Variants in NELL2 observed in about 807,000 individuals in gnomAD.
NELL2 encodes neural EGFL like 2.
NELL2 carries 41 observed loss-of-function variants against 109.6 expected under a neutral mutation model. The observed-to-expected ratio is 0.37, with a 90% CI of 0.29 to 0.49. The LOEUF is 0.49. Ranked by LOEUF, NELL2 falls within the 20% of genes least tolerant of loss-of-function variation. NELL2 has a pLI of 0.98. For missense variants in NELL2, 900 were observed against 1,008.3 expected, an observed-to-expected ratio of 0.89 and a Z score of 1.45; for synonymous variants, 355 against 344.7, an observed-to-expected ratio of 1.03 and a Z score of -0.33.
upstream of NELL2, among the ~76,000 whole-genome samples, chr12:44,877,704 A>G (rs764067116): frequency 1.3e-5 from 2 of 152,064 alleles, no homozygotes; most frequent in Non-Finnish European, 2.9e-5. Flanking sequence ...ATCTGCCCTT[A>G]GAATTTTTAA....
At chr12:44,910,199 G>A (rs1014874397) in intron 1 of NELL2, among the ~76,000 whole-genome samples, 10 of 151,792 alleles carry the variant, frequency 6.6e-5, no homozygotes, top group Non-Finnish European at 1.0e-4. Flanking sequence ...CTATAGAACG[G>A]GAGAAAATAT....
At chr12:44,554,502 C>A (rs971130562) in intron 15 of NELL2, among the ~76,000 whole-genome samples, 1 of 151,918 alleles carries the variant, frequency 6.6e-6, no homozygotes, top group African/African-American at 2.4e-5. Context: ...AAAATTTTGG[C>A]GATAATGGAT....
intron 13 of NELL2, among the ~76,000 whole-genome samples, chr12:44,636,839 A>C (rs2136293979): frequency 6.6e-6 from 1 of 151,478 alleles, no homozygotes; most frequent in South Asian, 2.1e-4. Flanking sequence ...TATTGTTTGG[A>C]ATAGTTTCAG....
chr12:44,702,482 A>G (rs1448931041), intron 12 of NELL2, among the ~76,000 whole-genome samples: 4 of 152,194 alleles, frequency 2.6e-5, no homozygotes, highest in Non-Finnish European at 4.4e-5. Context: ...ACAAAGTATC[A>G]CATGAATTTG....
chr12:44,566,566 C>CACACACACACACACAGAGAG (rs377368706), intron 15 of NELL2, among the ~76,000 whole-genome samples: 51 of 138,418 alleles, frequency 3.7e-4, no homozygotes, highest in African/African-American at 1.3e-3. Context: ...CACACACACA[C>CACACACACACACACAGAGAG]AGAGTTTTAT....
At chr12:44,599,960 GT>G (rs35401385) in intron 15 of NELL2, among the ~76,000 whole-genome samples, 11,470 of 111,032 alleles carry the variant, frequency 0.1, 291 homozygotes, top group East Asian at 0.2. Flanking sequence ...CTAGAATTCC[GT>G]TTTTTTTTTT....
intron 2 of NELL2, among the ~76,000 whole-genome samples, chr12:44,837,914 T>C (rs1944104771): frequency 6.6e-6 from 1 of 152,190 alleles, no homozygotes; most frequent in Admixed American, 6.5e-5. Context: ...GCCAGTTTTA[T>C]TATAATACCC....
chr12:44,682,356 CA>C (rs1435732373), intron 12 of NELL2, among the ~76,000 whole-genome samples: 1 of 151,328 alleles, frequency 6.6e-6, no homozygotes, highest in African/African-American at 2.5e-5. Flanking sequence ...AATTTTCTCC[CA>C]TTTTGTGGGT....
chr12:44,702,164 C>T (rs1212850204), intron 12 of NELL2, among the ~76,000 whole-genome samples: 5 of 152,054 alleles, frequency 3.3e-5, no homozygotes. Context: ...TGAATAAATC[C>T]CCAGCCAATC....
chr12:44,838,135 C>A (rs1484098187), intron 2 of NELL2, among the ~76,000 whole-genome samples: 1 of 152,022 alleles, frequency 6.6e-6, no homozygotes, highest in Non-Finnish European at 1.5e-5. Context: ...AAACTGAAGT[C>A]TAGGGGGTTT....
Position 44,703,811 on chromosome 12 carries a change from G to A in NELL2, c.1233C>T (p.Ser411=), listed in dbSNP as rs2136421023. The A allele has an allele frequency of 3.1e-6, 5 of 1,613,220 alleles. No individual in the cohort carries two copies. The highest frequency in any genetic ancestry group is 4.2e-6 in the Non-Finnish European group (5 of 1,179,516). Reference sequence around the variant, plus strand: ...CCCTGTCATTCAGATTTCTGCAGATGGAATTCTCCATGCAGTTATGCCTTT... The same window carrying A: ...CCCTGTCATTCAGATTTCTGCAGATAGAATTCTCCATGCAGTTATGCCTTT... ...CSERHNCMEN[S]ICRNLNDRAV... is the part of the protein sequence containing the mutation. Residue 411 remains serine, a synonymous_variant, in exon 12 of 20, where the codon TCC becomes TCT. Coordinates refer to ENST00000429094, the MANE Select transcript of NELL2 (RefSeq NM_001145108.2).
At chr12:44,704,482 AG>A (rs1937744303) in intron 11 of NELL2, among the ~76,000 whole-genome samples, 1 of 152,234 alleles carries the variant, frequency 6.6e-6, no homozygotes, top group African/African-American at 2.4e-5. Flanking sequence ...ATAAGAGAAA[AG>A]AAAAATGGAA....
At chr12:44,575,941 C>T (rs1315264305) in intron 15 of NELL2, among the ~76,000 whole-genome samples, 1 of 152,166 alleles carries the variant, frequency 6.6e-6, no homozygotes, top group African/African-American at 2.4e-5. Flanking sequence ...GACCTACAAG[C>T]CATCATAGTT....
At chr12:44,521,146 T>C (rs1941507897) in intron 18 of NELL2, among the ~76,000 whole-genome samples, 1 of 152,228 alleles carries the variant, frequency 6.6e-6, no homozygotes, top group Non-Finnish European at 1.5e-5. Flanking sequence ...ATTACTTTCT[T>C]CTTACTTATT....
intron 9 of NELL2, among the ~76,000 whole-genome samples, chr12:44,729,875 C>T (rs1332292544): frequency 6.6e-6 from 1 of 152,100 alleles, no homozygotes; most frequent in Non-Finnish European, 1.5e-5. Flanking sequence ...CTCACTGCAA[C>T]CTCTGCCCCT....
At position 44,528,097 on chromosome 12, in the gene NELL2, CAAAAAAAAAAA is replaced by C. The variant is rs71093812; in HGVS notation, c.1804+4473_1804+4483del. Among the ~76,000 whole-genome samples, 203 of 21,990 alleles carry C rather than the reference CAAAAAAAAAAA, an allele frequency of 9.2e-3. 1 individual carries two copies. Among genetic ancestry groups the C allele is most frequent in the African/African-American group, 0.031 (192 of 6,096 alleles). The allele number at this position is 21,990 out of a possible 152,430, so 14.4% of individuals were successfully genotyped here. On this transcript the variant is annotated intron_variant, in intron 16 of 19. Transcript: ENST00000429094. ...TGGGCGACAGAGCGAGACTCCGTCTCAAAAAAAAAAAAAAAAAAAAAAAAAAAAAAGAATCC... is the reference window on the plus strand; with the variant it reads ...TGGGCGACAGAGCGAGACTCCGTCTCAAAAAAAAAAAAAAAAAAAGAATCC...
intron 2 of NELL2, among the ~76,000 whole-genome samples, chr12:44,860,725 G>T (rs189226077): frequency 1.0e-3 from 154 of 152,206 alleles, no homozygotes; most frequent in African/African-American, 3.5e-3. Flanking sequence ...TAAGTCAGTC[G>T]ATTAACAACC....
intron 9 of NELL2, among the ~76,000 whole-genome samples, chr12:44,725,742 C>A (rs11182621): frequency 0.04 from 6,033 of 152,090 alleles, 384 homozygotes; most frequent in African/African-American, 0.14. Flanking sequence ...AGCAAACTAA[C>A]GCAGGAACAG....
chr12:44,622,498 C>T (rs1163703977), intron 13 of NELL2, among the ~76,000 whole-genome samples: 1 of 152,036 alleles, frequency 6.6e-6, no homozygotes, highest in African/African-American at 2.4e-5. Flanking sequence ...TTAATATCTA[C>T]AAATAAATAA....
Sources: gnomAD v4.1 joint callset for allele counts (sites outside exome capture counted in the v4.1 genomes callset) on GRCh38, gnomAD v4.1.1 for gene constraint, MANE v1.5 for transcripts, NCBI Gene and HGNC (gene_info 2026-07-23, HGNC 2026-07-21) for gene names.